CEP112: variants seen among roughly 807,000 people sequenced by gnomAD.
The protein encoded by CEP112 is centrosomal protein 112.
In CEP112, 127 loss-of-function variants were observed where a neutral mutation model predicts 153.0. The observed-to-expected ratio is 0.83, with a 90% confidence interval of 0.72 to 0.96. CEP112 has a LOEUF of 0.96. Among genes scored for constraint, CEP112 ranks in the 40% least tolerant of loss-of-function variants. The pLI is 0.00. For synonymous variants in CEP112, 358 were observed against 374.4 expected (o/e 0.96, Z 0.51); for missense variants, 1,089 against 1,101.2 (o/e 0.99, Z 0.16).
intron 10 of CEP112, 100 bp from the exon 11 acceptor site, chr17:66,063,181 A>T (rs1598271649): frequency 2.1e-6 from 1 of 486,008 alleles, no homozygotes; most frequent in East Asian, 3.3e-5. Flanking sequence ...TCAATTTTTC[A>T]CCAAGTCTTC....
chr17:66,027,762 C>T (rs2065278969), intron 15 of CEP112, among the ~76,000 whole-genome samples: 1 of 152,118 alleles, frequency 6.6e-6, no homozygotes, highest in South Asian at 2.1e-4. Context: ...GAAGATATTA[C>T]TATTCTCAAA....
chr17:65,746,103 C>T (rs567176061), intron 22 of CEP112, among the ~76,000 whole-genome samples: 35 of 137,308 alleles, frequency 2.5e-4, no homozygotes, highest in Non-Finnish European at 7.5e-5. Context: ...AGGCGGAGGC[C>T]GCAGTGAGCC....
At chr17:65,778,470 T>C (rs2053808977) in intron 21 of CEP112, among the ~76,000 whole-genome samples, 1 of 152,216 alleles carries the variant, frequency 6.6e-6, no homozygotes, top group South Asian at 2.1e-4. Context: ...CCTGGTAACA[T>C]GCATGGCTGT....
chr17:66,148,004 G>T (rs1774253113), intron 4 of CEP112, among the ~76,000 whole-genome samples: 1 of 152,102 alleles, frequency 6.6e-6, no homozygotes, highest in Non-Finnish European at 1.5e-5. Context: ...GTGATTCCAT[G>T]TGAACTTCAG....
At chr17:65,916,841 C>T (rs1320027596) in intron 19 of CEP112, among the ~76,000 whole-genome samples, 1 of 152,102 alleles carries the variant, frequency 6.6e-6, no homozygotes, top group Non-Finnish European at 1.5e-5. Context: ...GCCACTGCAC[C>T]CAGCCCATCT....
chr17:66,029,800 A>G, intron 13 of CEP112, 69 bp downstream of exon 13: 2 of 1,312,968 alleles, frequency 1.5e-6, no homozygotes, highest in African/African-American at 3.0e-5. Context: ...TAATTTTGGC[A>G]GATAACTGAT....
intron 23 of CEP112, among the ~76,000 whole-genome samples, chr17:65,690,098 T>G (rs2048021735): frequency 2.7e-5 from 2 of 74,520 alleles, no homozygotes; most frequent in African/African-American, 5.6e-5. Flanking sequence ...GACATAGCAA[T>G]GAAAGAAAAC....
rs919182424 is a variant in CEP112 at position 65,970,514 on chromosome 17, C to T, written c.1737-8916G>A. 1.7e-4 allele frequency among the ~76,000 whole-genome samples: 25 copies of T among 151,442 alleles called. 6 individuals are homozygous for T. The highest frequency in any genetic ancestry group is 6.1e-4 in the African/African-American group (25 of 41,258). On this transcript the variant is annotated intron_variant, in intron 17 of 26. Transcript: ENST00000535342. ...ACACTACATGCATATTATATGCATG[C>T]ATATTAAATACATGTATAACACATG...
intron 11 of CEP112, among the ~76,000 whole-genome samples, chr17:66,056,307 C>T (rs11871584): frequency 0.054 from 8,155 of 152,236 alleles, 287 homozygotes; most frequent in African/African-American, 0.087. Context: ...AGGTCAATAG[C>T]GCAGCCACTG....
chr17:66,076,087 C>T (rs1355264250), intron 8 of CEP112, among the ~76,000 whole-genome samples: 1 of 152,136 alleles, frequency 6.6e-6, no homozygotes, highest in Non-Finnish European at 1.5e-5. Context: ...GCCATTCCTG[C>T]CTGGTACCAC....
intron 21 of CEP112, among the ~76,000 whole-genome samples, chr17:65,784,519 C>CG (rs2054168376): frequency 1.3e-5 from 2 of 152,282 alleles, no homozygotes; most frequent in Admixed American, 1.3e-4. Context: ...CTCACTCTGT[C>CG]GCCCAGGCTG....
chr17:66,137,144 C>T (rs1021461825), intron 4 of CEP112, among the ~76,000 whole-genome samples: 1 of 151,748 alleles, frequency 6.6e-6, no homozygotes, highest in African/African-American at 2.4e-5. Context: ...TTTTAACAAA[C>T]AAAATATTTT....
chr17:66,104,233 G>A (rs1363397819), intron 6 of CEP112, among the ~76,000 whole-genome samples: 1 of 152,186 alleles, frequency 6.6e-6, no homozygotes, highest in African/African-American at 2.4e-5. Flanking sequence ...TCTGCCTGAA[G>A]AGAGGAGAGG....
intron 12 of CEP112, among the ~76,000 whole-genome samples, chr17:66,041,978 C>T (rs2066003062): frequency 6.6e-6 from 1 of 152,148 alleles, no homozygotes; most frequent in African/African-American, 2.4e-5. Flanking sequence ...AGTAACTTTA[C>T]ACTGGAGAAA....
intron 4 of CEP112, among the ~76,000 whole-genome samples, chr17:66,167,138 A>AT: frequency 6.6e-6 from 1 of 152,120 alleles, no homozygotes; most frequent in East Asian, 1.9e-4. Flanking sequence ...GTCATAATTT[A>AT]TTTTTCTCAG....
At chr17:66,097,137 C>G (rs1197206141) in intron 6 of CEP112, among the ~76,000 whole-genome samples, 1 of 152,154 alleles carries the variant, frequency 6.6e-6, no homozygotes, top group Non-Finnish European at 1.5e-5. Flanking sequence ...GGGACTCCCC[C>G]TAAATCTCCC....
At chr17:65,884,780 C>T (rs2059217006) in intron 20 of CEP112, among the ~76,000 whole-genome samples, 1 of 146,768 alleles carries the variant, frequency 6.8e-6, no homozygotes, top group Admixed American at 6.9e-5. Context: ...TGCAAGGGCG[C>T]CATCTCAGCT....
chr17:66,008,676 C>A (rs1445078297), intron 16 of CEP112, among the ~76,000 whole-genome samples: 8 of 152,168 alleles, frequency 5.3e-5, no homozygotes, highest in Non-Finnish European at 2.9e-5. Flanking sequence ...TAACCAGCAT[C>A]TACCCATTCC....
At chr17:65,926,222 C>G (rs1244764934) in intron 19 of CEP112, among the ~76,000 whole-genome samples, 1 of 152,184 alleles carries the variant, frequency 6.6e-6, no homozygotes, top group Non-Finnish European at 1.5e-5. Flanking sequence ...CCAGCTTGCT[C>G]TCTTCTCAGG....
Sources: allele counts gnomAD v4.1 joint callset (sites outside exome capture counted in the v4.1 genomes callset), GRCh38; gene constraint gnomAD v4.1.1; transcripts MANE v1.5; gene names NCBI Gene and HGNC (gene_info 2026-07-23, HGNC 2026-07-21).